Variants in CDK14 observed in about 807,000 individuals in gnomAD.
The protein encoded by CDK14 is cyclin dependent kinase 14.
Under a neutral mutation model 60.7 loss-of-function variants are expected in CDK14, and 34 were observed. The observed-to-expected ratio is 0.56, with a 90% CI of 0.43 to 0.75. The LOEUF (loss-of-function observed/expected upper bound fraction) is 0.75, where lower values mean the gene tolerates loss of function less well. Ranked by LOEUF, CDK14 falls within the 30% of genes least tolerant of loss-of-function variation. CDK14 has a pLI of 0.00. For missense variants in CDK14, 482 were observed against 564.1 expected (o/e 0.85, Z 1.47); for synonymous variants, 197 against 203.7 (o/e 0.97, Z 0.28).
At chr7:90,649,301 T>TTTCCTTCC (rs1800547886) in intron 2 of CDK14, among the ~76,000 whole-genome samples, 1 of 63,700 alleles carries the variant, frequency 1.6e-5, no homozygotes, top group African/African-American at 7.6e-5. Context: ...TCTTTCTTTC[T>TTTCCTTCC]TTCTTTCTTT....
intron 8 of CDK14, among the ~76,000 whole-genome samples, chr7:90,930,333 G>T (rs111508769): frequency 3.3e-5 from 5 of 152,146 alleles, no homozygotes; most frequent in Non-Finnish European, 5.9e-5. Context: ...TTTGTCACAT[G>T]TATCCTTCAT....
intron 14 of CDK14, among the ~76,000 whole-genome samples, chr7:91,147,162 T>TCTCTCTCTCTCACA (rs1438870514): frequency 2.2e-4 from 28 of 124,742 alleles, no homozygotes; most frequent in African/African-American, 8.3e-4. Flanking sequence ...TCTCTCTCTC[T>TCTCTCTCTCTCACA]CACACACACA....
chr7:90,890,577 T>G (rs1309900369), intron 6 of CDK14, among the ~76,000 whole-genome samples: 1 of 152,260 alleles, frequency 6.6e-6, no homozygotes, highest in African/African-American at 2.4e-5. Context: ...ATTATAATTT[T>G]ATTAGTTATA....
intron 12 of CDK14, chr7:91,107,254 G>A (rs1584069331): frequency 1.3e-5 from 2 of 152,234 alleles, no homozygotes; most frequent in South Asian, 4.1e-4. Context: ...ATTTCTGTAT[G>A]CTTTATTCAA....
rs73400925 is a variant in CDK14, at chr7:91,087,505, C to T, written c.1154+8025C>T. Among the ~76,000 whole-genome samples the T allele has an allele frequency of 8.1e-3, 1,234 of 152,310 alleles. 18 individuals are homozygous for T. The highest frequency in any genetic ancestry group is 0.027 in the African/African-American group (1,140 of 41,564). ...GTGTAATATTCAGGAAGCTCATTAA[C>T]CTCTCTGAGCCTCAGCTTTTCAATT... On this transcript the variant is annotated intron_variant, in intron 12 of 14. Coordinates refer to ENST00000380050, the MANE Select transcript of CDK14 (RefSeq NM_001287135.2).
intron 2 of CDK14, among the ~76,000 whole-genome samples, chr7:90,693,589 A>C (rs997538215): frequency 3.9e-5 from 6 of 152,136 alleles, no homozygotes; most frequent in Non-Finnish European, 7.4e-5. Flanking sequence ...AAATTGAACT[A>C]ATTTGTACTA....
chr7:91,092,970 C>A (rs1291995667), intron 12 of CDK14, among the ~76,000 whole-genome samples: 1 of 152,296 alleles, frequency 6.6e-6, no homozygotes, highest in South Asian at 2.1e-4. Context: ...TTATTGCATA[C>A]ATCACAGAGT....
At chr7:91,003,283 G>A (rs1396030035) in intron 10 of CDK14, among the ~76,000 whole-genome samples, 1 of 152,054 alleles carries the variant, frequency 6.6e-6, no homozygotes, top group African/African-American at 2.4e-5. Flanking sequence ...TTGATCCACA[G>A]TTTTCCACCA....
At chr7:90,721,858 C>T (rs1201337020) in intron 2 of CDK14, among the ~76,000 whole-genome samples, 1 of 152,090 alleles carries the variant, frequency 6.6e-6, no homozygotes, top group African/African-American at 2.4e-5. Context: ...AGACCTTTTA[C>T]TGCACTGACC....
At chr7:90,782,157 GTATTT>G (rs1805356122) in intron 4 of CDK14, among the ~76,000 whole-genome samples, 1 of 151,920 alleles carries the variant, frequency 6.6e-6, no homozygotes, top group Admixed American at 6.5e-5. Flanking sequence ...GGATTCCTAG[GTATTT>G]TATTCTCTTT....
At chr7:91,147,226 G>C (rs1463243256) in intron 14 of CDK14, among the ~76,000 whole-genome samples, 1 of 146,826 alleles carries the variant, frequency 6.8e-6, no homozygotes, top group Non-Finnish European at 1.5e-5. Context: ...ATGGTTTTAG[G>C]TATTTTATCA....
intron 14 of CDK14, among the ~76,000 whole-genome samples, chr7:91,204,797 A>G (rs1002755154): frequency 2.0e-4 from 31 of 152,174 alleles, no homozygotes; most frequent in Admixed American, 7.2e-4. Context: ...AATATAAAAA[A>G]TTAGCCAGGC....
intron 14 of CDK14, among the ~76,000 whole-genome samples, chr7:91,185,031 G>A (rs931362590): frequency 6.6e-5 from 10 of 150,576 alleles, no homozygotes; most frequent in Admixed American, 2.0e-4. Flanking sequence ...GGTAGCCCCA[G>A]CTGTCATCTG....
chr7:90,842,344 A>T (rs1790326337), intron 5 of CDK14, among the ~76,000 whole-genome samples: 1 of 152,150 alleles, frequency 6.6e-6, no homozygotes, highest in Non-Finnish European at 1.5e-5. Flanking sequence ...GAAAACTTTG[A>T]AGAGTTTGAA....
chr7:90,851,724 A>G (rs1402674124), intron 5 of CDK14, among the ~76,000 whole-genome samples: 2 of 152,056 alleles, frequency 1.3e-5, no homozygotes, highest in Admixed American at 6.6e-5. Flanking sequence ...ATTTAAGGCC[A>G]TAATAGAGAA....
intron 2 of CDK14, among the ~76,000 whole-genome samples, chr7:90,714,604 C>G (rs1326689417): frequency 6.6e-6 from 1 of 152,042 alleles, no homozygotes; most frequent in East Asian, 1.9e-4. Flanking sequence ...GTTCATTGTT[C>G]CCAGTGTTCC....
intron 5 of CDK14, among the ~76,000 whole-genome samples, chr7:90,856,519 A>G (rs1562800248): frequency 6.6e-6 from 1 of 152,160 alleles, no homozygotes; most frequent in Non-Finnish European, 1.5e-5. Flanking sequence ...AGCATGCATT[A>G]TAGAACCATG....
chr7:91,183,833 A>G (rs868832912), intron 14 of CDK14, among the ~76,000 whole-genome samples: 2 of 152,170 alleles, frequency 1.3e-5, no homozygotes, highest in African/African-American at 2.4e-5. Context: ...TTATCTATTC[A>G]TTGTCTCTAT....
At chr7:90,722,247 A>T (rs1222346788) in intron 2 of CDK14, among the ~76,000 whole-genome samples, 1 of 151,356 alleles carries the variant, frequency 6.6e-6, no homozygotes, top group African/African-American at 2.4e-5. Context: ...GCTGGAGTAC[A>T]TGGAGCATAG....
Sources: gnomAD v4.1 joint callset for allele counts (sites outside exome capture counted in the v4.1 genomes callset) on GRCh38, gnomAD v4.1.1 for gene constraint, MANE v1.5 for transcripts, NCBI Gene and HGNC (gene_info 2026-07-23, HGNC 2026-07-21) for gene names.